The following PLG variants were observed in gnomAD, a reference collection of about 807,000 sequenced individuals.
PLG encodes the protein plasmin.
PLG carries 41 observed loss-of-function variants against 104.4 expected under a neutral mutation model. The observed-to-expected ratio is 0.39, with a 90% CI of 0.31 to 0.51. The LOEUF (loss-of-function observed/expected upper bound fraction) is 0.51. Ranked by LOEUF, PLG falls within the 20% of genes least tolerant of loss-of-function variation. PLG has a pLI of 0.76. For synonymous variants in PLG, 337 were observed against 357.1 expected (o/e 0.94, Z 0.63); for missense variants, 891 against 1,003.6 (o/e 0.89, Z 1.52).
chr6:160,738,596 G>T lies in PLG; in HGVS notation c.1861G>T (p.Ala621Ser), dbSNP rs1161983157. Residue 621 changes from alanine (A) to serine (S), a missense_variant, in exon 15 of 19, where the codon GCC becomes TCC. Physicochemically the swap from Ala to Ser is moderately conservative, Grantham distance 99 (BLOSUM62 1). Transcript: ENST00000308192. This position sits in a 1 kb window ranked among gnomAD's most constrained non-coding sequence, Gnocchi z 6.8. ...LISPEWVLTA[A>S]HCLEKSPRPS... is the part of the protein sequence containing the mutation. ...ATCCCCAGAGTGGGTGTTGACTGCT[G>T]CCCACTGCTTGGAGAAGTATGTTTA... The T allele has an allele frequency of 6.2e-7, 1 of 1,605,416 alleles. No homozygotes were observed. The highest frequency in any genetic ancestry group is 2.2e-5 in the East Asian group (1 of 44,850).
intron 1 of PLG, among the ~76,000 whole-genome samples, chr6:160,702,947 T>G (rs1410652995): frequency 6.6e-6 from 1 of 152,228 alleles, no homozygotes; most frequent in Non-Finnish European, 1.5e-5. Context: ...CTCAGTTGCT[T>G]GGGTTAGGTC....
chr6:160,731,111 C>A lies in PLG; in HGVS notation c.1317C>A (p.Thr439=), dbSNP rs1196748958. 1 of 1,613,958 alleles carries A rather than the reference C, an allele frequency of 6.2e-7. No homozygotes were observed. Among genetic ancestry groups the A allele is most frequent in the Admixed American group, 1.7e-5 (1 of 60,016 alleles). ...PDADKGPWCF[T]TDPSVRWEYC... is the part of the protein sequence containing the mutation. ...CCGATAAAGGCCCCTGGTGTTTTAC[C>A]ACAGACCCCAGCGTCAGGTGGGAGT... Residue 439 remains threonine, a synonymous_variant, in exon 11 of 19, where the codon ACC becomes ACA. Transcript: ENST00000308192. This position sits in a 1 kb window ranked among gnomAD's most constrained non-coding sequence, Gnocchi z 5.1.
intron 3 of PLG, among the ~76,000 whole-genome samples, chr6:160,708,983 CCCTGATTCT>C (rs1207554447): frequency 1.4e-5 from 2 of 145,324 alleles, no homozygotes; most frequent in Non-Finnish European, 3.1e-5. Context: ...AAAAAAAAAA[CCCTGATTCT>C]CCTGATTCTC....
chr6:160,739,145 T>C lies in PLG; in HGVS notation c.1955T>C (p.Ile652Thr). 2 of 1,614,086 alleles carry C rather than the reference T, an allele frequency of 1.2e-6. No individual in the cohort carries two copies. The highest frequency in any genetic ancestry group is 1.7e-6 in the Non-Finnish European group (2 of 1,179,990). Residue 652 changes from isoleucine (I) to threonine (T), a missense_variant, in exon 16 of 19, where the codon ATA becomes ACA. By Grantham distance (89) the Ile-to-Thr change is moderately conservative. Around this residue, in one of 2 missense-constraint regions of PLG, gnomAD observed 854 missense variants for 932.1 expected, o/e 0.92. Coordinates refer to ENST00000308192, the MANE Select transcript of PLG (RefSeq NM_000301.5). The surrounding 1 kb of genome is among the most constrained non-coding windows in gnomAD (Gnocchi z 4.4). Reference protein sequence around the residue: ...EVNLEPHVQEIEVSRLFLEPT... With the variant: ...EVNLEPHVQETEVSRLFLEPT... ...AATCTCGAACCGCATGTTCAGGAAATAGAAGTGTCTAGGCTGTTCTTGGAG... is the reference window on the plus strand; with the variant it reads ...AATCTCGAACCGCATGTTCAGGAAACAGAAGTGTCTAGGCTGTTCTTGGAG...
At chr6:160,749,903 G>GCCACCACCATCATGT (rs149258451) in intron 17 of PLG, among the ~76,000 whole-genome samples, 1 of 147,218 alleles carries the variant, frequency 6.8e-6, no homozygotes, top group East Asian at 2.0e-4. Context: ...TTCCACCACT[G>GCCACCACCATCATGT]CCACCACCAC....
rs1413137211 is a variant in PLG at position 160,731,877 on chromosome 6, C to T, written c.1571C>T (p.Ala524Val). The change falls in exon 12 of 19, where the codon GCG (alanine) becomes GTG (valine). Residue 524 changes from alanine to valine, a missense_variant. Ala to Val is a moderately conservative substitution (Grantham distance 64). Around this residue, in one of 2 missense-constraint regions of PLG, gnomAD observed 854 missense variants for 932.1 expected, o/e 0.92. Coordinates refer to ENST00000308192, the MANE Select transcript of PLG (RefSeq NM_000301.5). This position sits in a 1 kb window ranked among gnomAD's most constrained non-coding sequence, Gnocchi z 5.1. Reference protein sequence around the residue: ...SIFTPETNPRAGLEKNYCRNP... With the variant: ...SIFTPETNPRVGLEKNYCRNP... Reference sequence around the variant, plus strand: ...TTCACTCCAGAGACAAATCCACGGGCGGGTCTGGAAAAAAATGTAAGCCAC... The same window carrying T: ...TTCACTCCAGAGACAAATCCACGGGTGGGTCTGGAAAAAAATGTAAGCCAC... 5 of 1,613,954 alleles carry T rather than the reference C, an allele frequency of 3.1e-6. No homozygotes were observed. Among genetic ancestry groups the T allele is most frequent in the African/African-American group, 1.3e-5 (1 of 74,986 alleles).
chr6:160,717,450 A>G (rs1279791076), intron 7 of PLG, among the ~76,000 whole-genome samples: 1 of 137,342 alleles, frequency 7.3e-6, no homozygotes, highest in Non-Finnish European at 1.6e-5. Context: ...CTTTTTATGA[A>G]TATTAATTTC....
At chr6:160,709,535 C>G (rs1338205818) in intron 3 of PLG, among the ~76,000 whole-genome samples, 1 of 152,198 alleles carries the variant, frequency 6.6e-6, no homozygotes, top group African/African-American at 2.4e-5. Flanking sequence ...CTTTTCTACA[C>G]TGGCCTTACT....
chr6:160,752,888 C>G lies in PLG; in HGVS notation c.2272-12C>G. The G allele has an allele frequency of 6.2e-7, 1 of 1,613,576 alleles. No individual in the cohort carries two copies. Among genetic ancestry groups the G allele is most frequent in the Non-Finnish European group, 8.5e-7 (1 of 1,179,538 alleles). On this transcript the variant is annotated splice_polypyrimidine_tract_variant and intron_variant, in intron 18 of 18. Coordinates refer to ENST00000308192, the MANE Select transcript of PLG (RefSeq NM_000301.5). This position sits in a 1 kb window ranked among gnomAD's most constrained non-coding sequence, Gnocchi z 4.7. ...CTAACCCTCACATGCATTTTTCTCTCCCTCTGTATAGGGTGACAGTGGAGG... is the reference window on the plus strand; with the variant it reads ...CTAACCCTCACATGCATTTTTCTCTGCCTCTGTATAGGGTGACAGTGGAGG...
intron 7 of PLG, 87 bp from the exon 8 acceptor site, chr6:160,718,207 G>A (rs1187753185): frequency 3.1e-5 from 35 of 1,142,320 alleles, no homozygotes; most frequent in Admixed American, 5.1e-5. Context: ...AGCTGAGATC[G>A]TGCCACTGAC....
chr6:160,711,114 C>T lies in PLG; in HGVS notation c.330C>T (p.Asn110=), dbSNP rs4757. Residue 110 remains asparagine, a synonymous_variant, in exon 4 of 19, where the codon AAC becomes AAT. Transcript: ENST00000308192. ...AGTGCAAGACTGGGAATGGAAAGAA[C>T]TACAGAGGGACGATGTCCAAAACAA... The part of the protein sequence containing the change: ...LSECKTGNGK[N]YRGTMSKTKN... 0.29 allele frequency: 462,213 copies of T among 1,607,214 alleles called. 71,816 individuals carry two copies. Among genetic ancestry groups the T allele is most frequent in the African/African-American group, 0.49 (36,509 of 74,742 alleles).
rs1447278536 is a variant in PLG at position 160,753,586 on chromosome 6, A to G, written c.*525A>G. Among the ~76,000 whole-genome samples, 1 of 152,168 alleles carries G rather than the reference A, an allele frequency of 6.6e-6. No individual in the cohort carries two copies. The highest frequency in any genetic ancestry group is 1.5e-5 in the Non-Finnish European group (1 of 68,038). ...CAAACCGATTCTGTTATTGGGAATG[A>G]AATCTGTCACCGACTGCTTGACTTG... On this transcript the variant is annotated 3_prime_UTR_variant, in exon 19 of 19. Transcript: ENST00000308192. The surrounding 1 kb of genome is among the most constrained non-coding windows in gnomAD (Gnocchi z 5.4).
chr6:160,711,716 A>C, intron 4 of PLG: 1 of 1,608,648 alleles, frequency 6.2e-7, no homozygotes, highest in Non-Finnish European at 8.5e-7. Flanking sequence ...AGTTTAAAAA[A>C]AATCAATGAA....
chr6:160,728,400 A>C (rs1039487231), intron 10 of PLG, among the ~76,000 whole-genome samples: 1 of 152,252 alleles, frequency 6.6e-6, no homozygotes, highest in Non-Finnish European at 1.5e-5. Context: ...CCAGAATCTC[A>C]GCAGTCGTTT....
rs1467379820 is a variant in PLG, at chr6:160,736,410, C to T, written c.1682-477C>T. On this transcript the variant is annotated intron_variant, in intron 13 of 18. Transcript: ENST00000308192. This position sits in a 1 kb window ranked among gnomAD's most constrained non-coding sequence, Gnocchi z 5.2. ...ATACACACACACACACACGTGCACA[C>T]ACAGAGACTCACATGGAAAAATAAA... Among the ~76,000 whole-genome samples, 1 of 152,178 alleles carries T rather than the reference C, an allele frequency of 6.6e-6. No individual in the cohort carries two copies. The highest frequency in any genetic ancestry group is 1.5e-5 in the Non-Finnish European group (1 of 68,038).
chr6:160,714,661 C>A, intron 5 of PLG, 133 bp from the exon 6 acceptor site: 1 of 750,990 alleles, frequency 1.3e-6, no homozygotes, highest in Non-Finnish European at 2.2e-6. Flanking sequence ...TTGCCAAGTG[C>A]CTGTTGTGAA....
At position 160,731,324 on chromosome 6, in the gene PLG, A is replaced by G. The variant is rs1777996360; in HGVS notation, c.1438+92A>G. ...CTGATGCAGAAACCTTCCATGCTAC[A>G]CGAGAAATCAAGTGTTTTTAGAGGG... On this transcript the variant is annotated intron_variant, in intron 11 of 18. Coordinates refer to ENST00000308192, the MANE Select transcript of PLG (RefSeq NM_000301.5). The surrounding 1 kb of genome is among the most constrained non-coding windows in gnomAD (Gnocchi z 5.1). 8 of 1,144,216 alleles carry G rather than the reference A, an allele frequency of 7.0e-6. No homozygotes were observed. In the South Asian group the frequency reaches 8.7e-5, roughly 13 times the overall value. 70.9% of individuals were successfully genotyped at this position (1,144,216 alleles called of 1,614,324 possible). A position where few individuals can be genotyped will look rare whatever the true frequency, so the allele number is the denominator to read the frequency against.
At position 160,752,965 on chromosome 6, in the gene PLG, T is replaced by C. The variant is rs746746494; in HGVS notation, c.2337T>C (p.Ser779=). The C allele has an allele frequency of 1.9e-6, 3 of 1,613,196 alleles. No individual in the cohort carries two copies. Among genetic ancestry groups the C allele is most frequent in the Non-Finnish European group, 1.7e-6 (2 of 1,179,412 alleles). ...AATACATTTTACAAGGAGTCACTTCTTGGGGTCTTGGCTGTGCACGCCCCA... is the reference window on the plus strand; with the variant it reads ...AATACATTTTACAAGGAGTCACTTCCTGGGGTCTTGGCTGTGCACGCCCCA... ...KDKYILQGVT[S]WGLGCARPNK... The change falls in exon 19 of 19, where the codon TCT becomes TCC. Residue 779 remains serine, a synonymous_variant. Transcript: ENST00000308192. The surrounding 1 kb of genome is among the most constrained non-coding windows in gnomAD (Gnocchi z 4.7).
In PLG at chr6:160,718,502, C is replaced by T. The variant is rs1019639787; in HGVS notation, c.950+46C>T. The T allele has an allele frequency of 3.5e-5, 54 of 1,531,682 alleles. 2 individuals carry two copies. Among genetic ancestry groups the T allele is most frequent in the Non-Finnish European group, 2.7e-6 (3 of 1,104,852 alleles). 94.9% of individuals were successfully genotyped at this position (1,531,682 alleles called of 1,614,324 possible). Reference sequence around the variant, plus strand: ...TTCTGCTGCTATGGAATGTGAAATCCCATTGACTTTGCCTTAGTTTTAGTT... The same window carrying T: ...TTCTGCTGCTATGGAATGTGAAATCTCATTGACTTTGCCTTAGTTTTAGTT... On this transcript the variant is annotated intron_variant, in intron 8 of 18. Transcript: ENST00000308192.
Sources: gnomAD v4.1 joint callset for allele counts (sites outside exome capture counted in the v4.1 genomes callset) on GRCh38, gnomAD v4.1.1 for gene constraint, gnomAD v4.1.1 regional missense constraint, Gnocchi (gnomAD v3.1) non-coding constraint, MANE v1.5 for transcripts, NCBI Gene and HGNC (gene_info 2026-07-23, HGNC 2026-07-21) for gene names.